The following SH3KBP1 variants were observed in gnomAD, a reference collection of about 807,000 sequenced individuals.
The protein encoded by SH3KBP1 is SH3 domain containing kinase binding protein 1.
A neutral mutation model predicts 50.1 loss-of-function variants in SH3KBP1; 8 were observed. The ratio of observed to expected loss-of-function variants is 0.16; its 90% CI spans 0.09 to 0.29. SH3KBP1 has a LOEUF of 0.29. SH3KBP1 is among the 10% of genes least tolerant of loss of function. The probability of loss-of-function intolerance (pLI) is 1.00; values close to 1 mark genes in which losing one functional copy is unlikely to be tolerated. For synonymous variants in SH3KBP1, 227 were observed against 218.6 expected, an observed-to-expected ratio of 1.04 and a Z score of -0.34; for missense variants, 377 against 535.2, an observed-to-expected ratio of 0.70 and a Z score of 2.92.
intron 2 of SH3KBP1, among the ~76,000 whole-genome samples, chrX:19,824,476 C>T (rs1490377868): frequency 9.0e-6 from 1 of 110,854 alleles, no homozygotes. Context: ...TACTCCTGCC[C>T]CCAAAACAAA....
intron 13 of SH3KBP1, among the ~76,000 whole-genome samples, chrX:19,555,623 G>A (rs1006487679): frequency 5.4e-5 from 6 of 111,710 alleles, no homozygotes; most frequent in Non-Finnish European, 1.1e-4. Flanking sequence ...TGGCAATGTC[G>A]CTACCTCCCA....
intron 15 of SH3KBP1, among the ~76,000 whole-genome samples, chrX:19,542,861 G>A (rs1036553483): frequency 8.9e-6 from 1 of 111,911 alleles, no homozygotes; most frequent in Non-Finnish European, 1.9e-5. Context: ...GGCCTTGGGG[G>A]CAGAGCTAAG....
chrX:19,716,307 T>C (rs2063907477), intron 3 of SH3KBP1, among the ~76,000 whole-genome samples: 2 of 112,241 alleles, frequency 1.8e-5, no homozygotes, highest in South Asian at 7.4e-4. Flanking sequence ...AAACCCCTCT[T>C]GGCTGTACCT....
chrX:19,655,028 A>T (rs766709052), intron 6 of SH3KBP1, among the ~76,000 whole-genome samples: 5 of 112,153 alleles, frequency 4.5e-5, no homozygotes, highest in Non-Finnish European at 9.4e-5. Context: ...TTTGAATCCC[A>T]TCTCACCTTT....
intron 8 of SH3KBP1, among the ~76,000 whole-genome samples, chrX:19,630,356 C>T (rs979488226): frequency 2.7e-5 from 3 of 112,398 alleles, no homozygotes; most frequent in African/African-American, 9.7e-5. Flanking sequence ...TTACAGCATT[C>T]GTATTGTGCT....
chrX:19,853,157 CGTGT>C (rs200195294), intron 1 of SH3KBP1, among the ~76,000 whole-genome samples: 3 of 111,819 alleles, frequency 2.7e-5, no homozygotes, highest in Non-Finnish European at 5.7e-5. Flanking sequence ...TGCGTGTGCA[CGTGT>C]GTGTGTGTGT....
intron 1 of SH3KBP1, among the ~76,000 whole-genome samples, chrX:19,868,522 C>T (rs1396251156): frequency 5.5e-5 from 6 of 108,585 alleles, no homozygotes; most frequent in Non-Finnish European, 7.7e-5. Flanking sequence ...GGCAAAAATG[C>T]GATGGTATGA....
chrX:19,715,621 C>T (rs1174109441), intron 3 of SH3KBP1, among the ~76,000 whole-genome samples: 1 of 111,447 alleles, frequency 9.0e-6, no homozygotes, highest in African/African-American at 3.3e-5. Context: ...GATCTGTTGC[C>T]CAAAGAAGAG....
chrX:19,868,520 T>C (rs1351960548), intron 1 of SH3KBP1, among the ~76,000 whole-genome samples: 4 of 108,470 alleles, frequency 3.7e-5, no homozygotes, highest in African/African-American at 1.3e-4. Flanking sequence ...TTGGCAAAAA[T>C]GCGATGGTAT....
intron 3 of SH3KBP1, among the ~76,000 whole-genome samples, chrX:19,727,490 T>C (rs761264231): frequency 4.4e-5 from 5 of 112,510 alleles, no homozygotes; most frequent in Admixed American, 1.9e-4. Context: ...GCATGTGTCA[T>C]AATTTCTTTC....
intron 8 of SH3KBP1, 125 bp downstream of exon 8, chrX:19,631,739 T>C: frequency 2.5e-6 from 1 of 400,919 alleles, no homozygotes; most frequent in East Asian, 4.0e-5. Context: ...AGATACAAGA[T>C]TCTTCCTCAC....
At chrX:19,622,393 T>G (rs1256151805) in intron 8 of SH3KBP1, among the ~76,000 whole-genome samples, 3 of 112,355 alleles carry the variant, frequency 2.7e-5, no homozygotes, top group Non-Finnish European at 5.6e-5. Context: ...GGCACAATCT[T>G]TCAGGATGTA....
At chrX:19,618,385 C>CA (rs1169013925) in intron 8 of SH3KBP1, among the ~76,000 whole-genome samples, 3,940 of 17,815 alleles carry the variant, frequency 0.22, 584 homozygotes, top group African/African-American at 0.33. Flanking sequence ...GACTCTGTCT[C>CA]AAAAAAAAAA....
At chrX:19,695,555 G>A in intron 5 of SH3KBP1, 57 bp downstream of exon 5, 2 of 1,177,154 alleles carry the variant, frequency 1.7e-6, no homozygotes, top group Non-Finnish European at 2.3e-6. Context: ...AGGGAGGCTG[G>A]AGCACAGCCT....
At chrX:19,632,053 G>A (rs2061590744) in intron 7 of SH3KBP1, 95 bp from the exon 8 acceptor site, 1 of 490,655 alleles carries the variant, frequency 2.0e-6, no homozygotes, top group South Asian at 4.4e-5. Context: ...TTCAGGGAAA[G>A]GCACACTTAA....
chrX:19,550,670 G>A (rs1421138902), intron 13 of SH3KBP1, among the ~76,000 whole-genome samples: 1 of 111,156 alleles, frequency 9.0e-6, no homozygotes, highest in Non-Finnish European at 1.9e-5. Flanking sequence ...CAAGTGAGAA[G>A]GCCTTTTGTG....
chrX:19,577,522 C>T (rs1436399253), intron 12 of SH3KBP1, among the ~76,000 whole-genome samples: 1 of 111,312 alleles, frequency 9.0e-6, no homozygotes, highest in Non-Finnish European at 1.9e-5. Context: ...CACTCAGACT[C>T]AAGATATAAG....
intron 2 of SH3KBP1, among the ~76,000 whole-genome samples, chrX:19,826,386 T>C (rs1353364562): frequency 2.7e-5 from 3 of 111,037 alleles, no homozygotes; most frequent in Non-Finnish European, 3.8e-5. Context: ...CTGCACATTA[T>C]AATACATACC....
At chrX:19,838,886 C>CAAA (rs1187740894) in intron 1 of SH3KBP1, among the ~76,000 whole-genome samples, 1,018 of 29,986 alleles carry the variant, frequency 0.034, 29 homozygotes, top group African/African-American at 0.095. Context: ...AACTTTGTCT[C>CAAA]AAAAAAAAAA....
Sources: gnomAD v4.1 joint callset for allele counts (sites outside exome capture counted in the v4.1 genomes callset) on GRCh38, gnomAD v4.1.1 for gene constraint, MANE v1.5 for transcripts, NCBI Gene and HGNC (gene_info 2026-07-23, HGNC 2026-07-21) for gene names.